The following RAB14 variants were observed in gnomAD, a reference collection of about 807,000 sequenced individuals.
RAB14 encodes RAB14, member RAS oncogene family.
In RAB14, 3 loss-of-function variants were observed where a neutral mutation model predicts 31.1. The observed-to-expected ratio is 0.10, with a 90% confidence interval of 0.04 to 0.25. RAB14 has a LOEUF of 0.25. Among genes scored for constraint, RAB14 ranks in the 10% least tolerant of loss-of-function variants. The pLI, the probability that RAB14 is intolerant of heterozygous loss-of-function variation, is 1.00. For synonymous variants in RAB14, 85 were observed against 84.9 expected (o/e 1.00, Z 0.00); for missense variants, 111 against 260.1 (o/e 0.43, Z 3.94).
rs147652675 is a variant in RAB14 at position 121,180,724 on chromosome 9, G to C, written c.*672C>G. On this transcript the variant is annotated 3_prime_UTR_variant, in exon 8 of 8. Coordinates refer to ENST00000373840, the MANE Select transcript of RAB14 (RefSeq NM_016322.4). ...TATACACAGAATGTATTGTTAGTTCGATTCCTTCAAATTTTATACATATTT... is the reference window on the plus strand; with the variant it reads ...TATACACAGAATGTATTGTTAGTTCCATTCCTTCAAATTTTATACATATTT... The C allele has an allele frequency of 4.3e-4, 66 of 152,610 alleles. No individual in the cohort carries two copies. Among genetic ancestry groups the C allele is most frequent in the African/African-American group, 1.5e-3 (62 of 41,522 alleles). The allele number at this position is 152,610 out of a possible 1,614,324, so 9.5% of individuals were successfully genotyped here.
At chr9:121,189,046 G>A (rs1215088239) in intron 4 of RAB14, among the ~76,000 whole-genome samples, 4 of 152,016 alleles carry the variant, frequency 2.6e-5, no homozygotes, top group South Asian at 2.1e-4. Context: ...AAATCATACA[G>A]TATGTGTCTC....
chr9:121,194,445 C>T (rs2132028085), intron 1 of RAB14, among the ~76,000 whole-genome samples: 1 of 152,274 alleles, frequency 6.6e-6, no homozygotes, highest in African/African-American at 2.4e-5. Context: ...AAACAAAAAA[C>T]TTTCCAATTT....
rs142320054 is a variant in RAB14, at chr9:121,200,548, G to A, written c.-8+1091C>T. Among the ~76,000 whole-genome samples the A allele has an allele frequency of 3.5e-4, 54 of 152,284 alleles. 2 individuals are homozygous for A. The East Asian group carries it at 0.01, about 29-fold the overall frequency. On this transcript the variant is annotated intron_variant, in intron 1 of 7. Transcript: ENST00000373840. ...TCTCTCCTTTGGGGTTTGTAAGCAT[G>A]AGGATTTGCCAGTGTAGTGGTTGAC...
Position 121,181,588 on chromosome 9 carries a change from A to G in RAB14, c.471-15T>C, listed in dbSNP as rs746061759. On this transcript the variant is annotated splice_polypyrimidine_tract_variant and intron_variant, in intron 7 of 7. Transcript: ENST00000373840. ...CATTCTCTCCCCTAAGAGGCAATTG[A>G]TAACTTTATTGGAGAACCACAGTTT... The G allele has an allele frequency of 1.5e-5, 24 of 1,593,036 alleles. No homozygotes were observed. The South Asian group carries it at 2.7e-4, about 18-fold the overall frequency.
intron 4 of RAB14, among the ~76,000 whole-genome samples, chr9:121,189,964 T>C (rs1230252544): frequency 1.3e-5 from 2 of 152,164 alleles, no homozygotes; most frequent in East Asian, 1.9e-4. Context: ...AGTAGTTTTA[T>C]TACTTTACAT....
At chr9:121,195,935 T>G (rs945746909) in intron 1 of RAB14, among the ~76,000 whole-genome samples, 4 of 152,188 alleles carry the variant, frequency 2.6e-5, no homozygotes, top group Non-Finnish European at 5.9e-5. Flanking sequence ...TATTCAATAC[T>G]AAATAGGCTT....
intron 5 of RAB14, among the ~76,000 whole-genome samples, chr9:121,184,259 T>C (rs2053648317): frequency 6.6e-6 from 1 of 152,150 alleles, no homozygotes; most frequent in African/African-American, 2.4e-5. Flanking sequence ...TGGGGGCACG[T>C]ATGCAGTAAG....
intron 3 of RAB14, 103 bp from the exon 4 acceptor site, chr9:121,190,834 A>G (rs1264881168): frequency 2.7e-6 from 3 of 1,131,246 alleles, no homozygotes; most frequent in Non-Finnish European, 3.8e-6. Flanking sequence ...ACTAATACTT[A>G]CAGGCTATAA....
At chr9:121,189,580 G>A (rs761831450) in intron 4 of RAB14, among the ~76,000 whole-genome samples, 2 of 151,998 alleles carry the variant, frequency 1.3e-5, no homozygotes, top group African/African-American at 2.4e-5. Context: ...TTTATTCTAA[G>A]GCAGCATTTC....
At chr9:121,182,828 AG>A in intron 7 of RAB14, 101 bp downstream of exon 7, 2 of 789,392 alleles carry the variant, frequency 2.5e-6, no homozygotes, top group Non-Finnish European at 3.8e-6. Context: ...ATTTATAGAT[AG>A]TACTTTATAT....
Position 121,192,196 on chromosome 9 carries a change from C to A in RAB14, c.81G>T (p.Leu27Phe). ...ATTTTTTTTCTGTAAATTGATGAAGCAAGCAAGATTTTCCTACTCCCATGT... is the reference window on the plus strand; with the variant it reads ...ATTTTTTTTCTGTAAATTGATGAAGAAAGCAAGATTTTCCTACTCCCATGT... The part of the protein sequence containing the change: ...IGDMGVGKSC[L>F]LHQFTEKKFM... Residue 27 changes from leucine (L) to phenylalanine (F), a missense_variant, in exon 3 of 8, where the codon TTG (leucine) becomes TTT (phenylalanine). Leu to Phe is a conservative substitution (Grantham distance 22, BLOSUM62 0). Coordinates refer to ENST00000373840, the MANE Select transcript of RAB14 (RefSeq NM_016322.4). 1 of 1,598,348 alleles carries A rather than the reference C, an allele frequency of 6.3e-7. No homozygotes were observed.
At chr9:121,201,061 C>T (rs2053767862) in intron 1 of RAB14, among the ~76,000 whole-genome samples, 1 of 152,162 alleles carries the variant, frequency 6.6e-6, no homozygotes, top group Admixed American at 6.5e-5. Context: ...GACCCAGACC[C>T]CGGCCCCGGC....
intron 2 of RAB14, among the ~76,000 whole-genome samples, chr9:121,192,530 T>C (rs2053692704): frequency 6.6e-6 from 1 of 152,144 alleles, no homozygotes; most frequent in Admixed American, 6.6e-5. Flanking sequence ...TTTATGTTTT[T>C]GTTTTCTTTT....
rs370183802 is a variant in RAB14, at chr9:121,182,883, G to A, written c.470+47C>T. 4.5e-5 allele frequency: 69 copies of A among 1,542,572 alleles called. No individual in the cohort carries two copies. The Middle Eastern group carries it at 5.8e-4, about 13-fold the overall frequency. On this transcript the variant is annotated intron_variant, in intron 7 of 7. Transcript: ENST00000373840. ...CTTTTCATATATACGGTTCTACTTT[G>A]AGAAACTTGAATATAATTGAAATAT...
At chr9:121,192,127 C>T (rs763524406) in intron 3 of RAB14, 44 bp downstream of exon 3, 13 of 1,359,766 alleles carry the variant, frequency 9.6e-6, no homozygotes, top group South Asian at 8.1e-5. Flanking sequence ...AGAAACATGG[C>T]GATAAAGAAA....
chr9:121,182,972 A>T lies in RAB14; in HGVS notation c.440-12T>A. On this transcript the variant is annotated splice_polypyrimidine_tract_variant and intron_variant, in intron 6 of 7. Coordinates refer to ENST00000373840, the MANE Select transcript of RAB14 (RefSeq NM_016322.4). Reference sequence around the variant, plus strand: ...GAGGAACAATAAGCCTAAAAATAAAATTCAGACTATAATTAGGACACTTCA... The same window carrying T: ...GAGGAACAATAAGCCTAAAAATAAATTTCAGACTATAATTAGGACACTTCA... 1 of 1,604,550 alleles carries T rather than the reference A, an allele frequency of 6.2e-7. No individual in the cohort carries two copies. The highest frequency in any genetic ancestry group is 8.5e-7 in the Non-Finnish European group (1 of 1,173,116).
chr9:121,197,213 A>C (rs1311651128), intron 1 of RAB14, among the ~76,000 whole-genome samples: 2 of 152,206 alleles, frequency 1.3e-5, no homozygotes, highest in Non-Finnish European at 2.9e-5. Flanking sequence ...CATAGTAAAC[A>C]CTAACAACTG....
At chr9:121,184,460 T>C (rs1041848965) in intron 5 of RAB14, among the ~76,000 whole-genome samples, 5 of 152,238 alleles carry the variant, frequency 3.3e-5, no homozygotes, top group African/African-American at 7.2e-5. Flanking sequence ...ACTGTCTTTG[T>C]ACATTTATGA....
Position 121,181,389 on chromosome 9 carries a change from G to C in RAB14, c.*7C>G, listed in dbSNP as rs757787555. The C allele has an allele frequency of 6.3e-7, 1 of 1,584,570 alleles. No individual in the cohort carries two copies. ...AGGTCAAATGAGGGGCCACAGCAAAGAGGTCACTAGCAGCCACAGCCTTCT... is the reference window on the plus strand; with the variant it reads ...AGGTCAAATGAGGGGCCACAGCAAACAGGTCACTAGCAGCCACAGCCTTCT... On this transcript the variant is annotated 3_prime_UTR_variant, in exon 8 of 8. Transcript: ENST00000373840.
Sources: allele counts gnomAD v4.1 joint callset (sites outside exome capture counted in the v4.1 genomes callset), GRCh38; gene constraint gnomAD v4.1.1; transcripts MANE v1.5; gene names NCBI Gene and HGNC (gene_info 2026-07-23, HGNC 2026-07-21).